Variants in ORC3 observed in about 807,000 individuals in gnomAD.
ORC3 encodes homolog of latheo, Drosophila.
A neutral mutation model predicts 100.7 loss-of-function variants in ORC3; 78 were observed. That is an observed-to-expected ratio of 0.77 (90% CI 0.65 to 0.94). ORC3 has a LOEUF of 0.94. Ranked by LOEUF, ORC3 falls within the 40% of genes least tolerant of loss-of-function variation. ORC3 has a pLI of 0.00. For synonymous variants in ORC3, 295 were observed against 289.3 expected (o/e 1.02, Z -0.20); for missense variants, 789 against 823.9 (o/e 0.96, Z 0.52).
intron 12 of ORC3, among the ~76,000 whole-genome samples, 182 bp from the exon 13 acceptor site, chr6:87,636,225 C>G (rs896025627): frequency 6.6e-6 from 1 of 152,186 alleles, no homozygotes; most frequent in African/African-American, 2.4e-5. Flanking sequence ...AGCCACCGCG[C>G]CTGGCCGTAA....
rs1260741878 is a variant in ORC3, at chr6:87,663,097, C to T, written c.1786C>T (p.Arg596Ter). Residue 596 changes from arginine to a stop codon, truncating the protein, a stop_gained, in exon 17 of 20, where the codon CGA becomes TGA. Transcript: ENST00000392844. LOFTEE classifies it high-confidence loss of function. Reference protein sequence around the residue: ...ALREHLNAAPRIALHTALNNP... With the variant: ...ALREHLNAAP ...TCGTGAGCATTTAAATGCTGCTCCG[C>T]GAATTGCCCTCCATACTGCACTCAA... The T allele has an allele frequency of 1.9e-6, 3 of 1,612,648 alleles. No homozygotes were observed. The highest frequency in any genetic ancestry group is 1.1e-5 in the South Asian group (1 of 91,018).
chr6:87,604,678 A>T (rs748734009), intron 4 of ORC3, among the ~76,000 whole-genome samples: 4 of 152,242 alleles, frequency 2.6e-5, no homozygotes, highest in Non-Finnish European at 4.4e-5. Flanking sequence ...GCTTATAGCC[A>T]GTCAGTGAAA....
chr6:87,590,998 G>A (rs1194111194), intron 1 of ORC3, among the ~76,000 whole-genome samples: 1 of 152,198 alleles, frequency 6.6e-6, no homozygotes, highest in Non-Finnish European at 1.5e-5. Flanking sequence ...CCCTAGAGCT[G>A]TATTGTCCAA....
intron 2 of ORC3, among the ~76,000 whole-genome samples, chr6:87,598,455 G>T (rs1473367830): frequency 6.6e-6 from 1 of 152,164 alleles, no homozygotes; most frequent in African/African-American, 2.4e-5. Flanking sequence ...GCTAGGATTT[G>T]AACCCAACCT....
rs374014302 is a variant in ORC3 at position 87,593,112 on chromosome 6, C to A, written c.25-1241C>A. On this transcript the variant is annotated intron_variant, in intron 1 of 19. Coordinates refer to ENST00000392844, the MANE Select transcript of ORC3 (RefSeq NM_012381.4). ...TGTCTCAAAAAAACAAACAAACAAA[C>A]AAAAAAAAACTATAAGCTATCCATC... 1.9e-3 allele frequency among the ~76,000 whole-genome samples: 284 copies of A among 150,688 alleles called. 1 individual carries two copies. Among genetic ancestry groups the A allele is most frequent in the Middle Eastern group, 0.01 (3 of 294 alleles).
the ORC3 span, among the ~76,000 whole-genome samples, chr6:87,676,539 G>C: frequency 6.7e-6 from 1 of 148,996 alleles, no homozygotes; most frequent in Non-Finnish European, 1.5e-5. Context: ...GGCACATCAT[G>C]AGGTCAGAAG....
At chr6:87,616,945 G>C (rs950582414) in intron 9 of ORC3, among the ~76,000 whole-genome samples, 1 of 152,014 alleles carries the variant, frequency 6.6e-6, no homozygotes, top group Non-Finnish European at 1.5e-5. Context: ...TTACAGGTGC[G>C]TGCCACCACG....
chr6:87,610,123 C>A (rs1361026667), intron 7 of ORC3, among the ~76,000 whole-genome samples: 1 of 152,136 alleles, frequency 6.6e-6, no homozygotes, highest in African/African-American at 2.4e-5. Context: ...ATTTTGGCCT[C>A]TTCTATATGT....
intron 16 of ORC3, among the ~76,000 whole-genome samples, chr6:87,661,514 C>G (rs1770175291): frequency 6.6e-6 from 1 of 152,176 alleles, no homozygotes; most frequent in Admixed American, 6.5e-5. Flanking sequence ...GTTGAATACC[C>G]TTTCCACTTC....
At position 87,601,204 on chromosome 6, in the gene ORC3, A is replaced by G. The variant is rs557997204; in HGVS notation, c.80-580A>G. ...TAAATGTATATAACTCAAAAAAGCC[A>G]CTTAATAAAAACTGTTAGAAATTAA... On this transcript the variant is annotated intron_variant, in intron 2 of 19. Coordinates refer to ENST00000392844, the MANE Select transcript of ORC3 (RefSeq NM_012381.4). Among the ~76,000 whole-genome samples the G allele has an allele frequency of 2.0e-5, 3 of 152,346 alleles. No individual in the cohort carries two copies. The East Asian group carries it at 5.8e-4, about 29-fold the overall frequency.
rs1442755218 is a variant in ORC3, at chr6:87,656,950, C to T, written c.1561C>T (p.Leu521Phe). The change falls in exon 15 of 20, where the codon CTT (leucine) becomes TTT (phenylalanine). Residue 521 changes from leucine to phenylalanine, a missense_variant. Leu to Phe is a conservative substitution (Grantham distance 22). Transcript: ENST00000392844. ...TGCTTCTGGGTCACAGCCAAAGGGG[C>T]TTCAGAAGACAGACCTCTATCATCT... ...EDASGSQPKG[L>F]QKTDLYHLQK... 6.2e-7 allele frequency: 1 copy of T among 1,612,852 alleles called. No homozygotes were observed. Among genetic ancestry groups the T allele is most frequent in the African/African-American group, 1.3e-5 (1 of 74,908 alleles).
intron 2 of ORC3, among the ~76,000 whole-genome samples, chr6:87,599,794 G>A (rs1486067312): frequency 6.6e-6 from 1 of 151,540 alleles, no homozygotes; most frequent in African/African-American, 2.4e-5. Context: ...TGGCCAATGT[G>A]GTGAAACCCC....
chr6:87,617,680 G>A (rs543263871), intron 9 of ORC3, among the ~76,000 whole-genome samples: 35 of 152,252 alleles, frequency 2.3e-4, no homozygotes, highest in Middle Eastern at 3.4e-3. Context: ...GCTGCAGTGA[G>A]CCATAATTGT....
intron 13 of ORC3, among the ~76,000 whole-genome samples, chr6:87,642,393 C>A (rs1768338900): frequency 6.6e-6 from 1 of 151,910 alleles, no homozygotes; most frequent in African/African-American, 2.4e-5. Context: ...GAGTTCGAGA[C>A]CAGCCTGGCC....
intron 11 of ORC3, among the ~76,000 whole-genome samples, chr6:87,633,389 AT>A (rs1767578280): frequency 2.0e-5 from 3 of 152,242 alleles, no homozygotes; most frequent in Admixed American, 6.5e-5. Context: ...TACTTTTGTT[AT>A]GATAGGAGAT....
At chr6:87,602,832 A>G (rs1466470158) in intron 3 of ORC3, among the ~76,000 whole-genome samples, 2 of 149,878 alleles carry the variant, frequency 1.3e-5, no homozygotes, top group Non-Finnish European at 3.0e-5. Context: ...TTATGTCTTT[A>G]CTTCACATCC....
intron 11 of ORC3, among the ~76,000 whole-genome samples, chr6:87,625,045 A>G (rs1364334062): frequency 1.3e-5 from 2 of 152,154 alleles, no homozygotes; most frequent in Admixed American, 1.3e-4. Flanking sequence ...TTATGGCTGC[A>G]TGGTATTCCA....
chr6:87,650,587 G>T (rs1025377062), intron 13 of ORC3, among the ~76,000 whole-genome samples: 2 of 152,208 alleles, frequency 1.3e-5, no homozygotes, highest in Admixed American at 1.3e-4. Flanking sequence ...ACTTTATTGG[G>T]GTTGGTTAAG....
At position 87,623,389 on chromosome 6, in the gene ORC3, A is replaced by G. The variant is rs189856412; in HGVS notation, c.1185+1376A>G. 7.9e-5 allele frequency among the ~76,000 whole-genome samples: 12 copies of G among 152,308 alleles called. No homozygotes were observed. In the East Asian group the frequency reaches 2.3e-3, roughly 29 times the overall value. ...CTGGGAAGAAATTTAAGAACTAGTG[A>G]GAAAGAATGTGTGCATGTTTACTGA... On this transcript the variant is annotated intron_variant, in intron 11 of 19. Coordinates refer to ENST00000392844, the MANE Select transcript of ORC3 (RefSeq NM_012381.4).
Sources: allele counts gnomAD v4.1 joint callset (sites outside exome capture counted in the v4.1 genomes callset), GRCh38; gene constraint gnomAD v4.1.1; transcripts MANE v1.5; gene names NCBI Gene and HGNC (gene_info 2026-07-23, HGNC 2026-07-21).